NDC80: variants seen among roughly 807,000 people sequenced by gnomAD.
NDC80 encodes the protein NDC80 kinetochore complex component.
NDC80 carries 69 observed loss-of-function variants against 89.3 expected under a neutral mutation model. The observed-to-expected ratio is 0.77, with a 90% CI of 0.64 to 0.94. The LOEUF is 0.94. Among genes scored for constraint, NDC80 ranks in the 40% least tolerant of loss-of-function variants. NDC80 has a pLI of 0.00. For synonymous variants in NDC80, 243 were observed against 255.6 expected (o/e 0.95, Z 0.47); for missense variants, 593 against 739.6 (o/e 0.80, Z 2.30).
In NDC80 at chr18:2,616,624, C is replaced by T. The variant is rs2072785077; in HGVS notation, c.*50C>T. On this transcript the variant is annotated 3_prime_UTR_variant, in exon 17 of 17. Transcript: ENST00000261597. ...ATATCCATAGTGAATAAAATTGTCT[C>T]AGTAAAGTGTATTTTTCTCTCTCAT... 9.5e-7 allele frequency: 1 copy of T among 1,049,322 alleles called. No homozygotes were observed. The highest frequency in any genetic ancestry group is 1.6e-5 in the African/African-American group (1 of 61,112). The allele number at this position is 1,049,322 out of a possible 1,614,324, so 65.0% of individuals were successfully genotyped here. A position where few individuals can be genotyped will look rare whatever the true frequency, so the allele number is the denominator to read the frequency against.
intron 1 of NDC80, among the ~76,000 whole-genome samples, chr18:2,572,642 A>C (rs2072522490): frequency 6.6e-6 from 1 of 152,248 alleles, no homozygotes; most frequent in Non-Finnish European, 1.5e-5. Context: ...TCTGGGTAAC[A>C]GACAGGGCTT....
chr18:2,593,437 C>A (rs1433744643), intron 10 of NDC80, among the ~76,000 whole-genome samples: 1 of 152,212 alleles, frequency 6.6e-6, no homozygotes, highest in East Asian at 1.9e-4. Flanking sequence ...ACAGTCTTCA[C>A]AGTGTACTTT....
At chr18:2,607,731 A>G (rs1182644543) in intron 14 of NDC80, among the ~76,000 whole-genome samples, 1 of 151,676 alleles carries the variant, frequency 6.6e-6, no homozygotes, top group African/African-American at 2.4e-5. Flanking sequence ...AGAAATGTAT[A>G]AAATGGGAAC....
Position 2,607,993 on chromosome 18 carries a change from ATATAT to A in NDC80, c.1558-706_1558-702del, listed in dbSNP as rs1288942277. ...TATATATATATATATATATATATAT[ATATAT>A]AACTTATTTAGCTAGCCCCTTATTA... On this transcript the variant is annotated intron_variant, in intron 14 of 16. Coordinates refer to ENST00000261597, the MANE Select transcript of NDC80 (RefSeq NM_006101.3). 2.0e-3 allele frequency among the ~76,000 whole-genome samples: 262 copies of A among 132,364 alleles called. 2 individuals are homozygous for A. The highest frequency in any genetic ancestry group is 3.3e-3 in the Non-Finnish European group (201 of 61,142). 86.8% of individuals were successfully genotyped at this position (132,364 alleles called of 152,430 possible).
chr18:2,602,969 G>C (rs186445596), intron 13 of NDC80, among the ~76,000 whole-genome samples: 1 of 152,160 alleles, frequency 6.6e-6, no homozygotes, highest in East Asian at 1.9e-4. Context: ...AGCTTGAGGA[G>C]AAAGAAGTAT....
chr18:2,606,439 A>G lies in NDC80; in HGVS notation c.1489A>G (p.Lys497Glu), dbSNP rs2072711999. 6.2e-7 allele frequency: 1 copy of G among 1,604,016 alleles called. No homozygotes were observed. The highest frequency in any genetic ancestry group is 8.5e-7 in the Non-Finnish European group (1 of 1,174,916). The change falls in exon 14 of 17, where the codon AAG becomes GAG. Residue 497 changes from lysine to glutamate, a missense_variant. Lys to Glu is a moderately conservative substitution (Grantham distance 56, BLOSUM62 1). Coordinates refer to ENST00000261597, the MANE Select transcript of NDC80 (RefSeq NM_006101.3). The stretch of plus-strand genomic sequence containing the variant: ...GTTGAATGCAATGATAACAGAAAGC[A>G]AGAGAAGTGTGAGAACTCTGAAAGA... ...EQLNAMITES[K>E]RSVRTLKEEV... is the part of the protein sequence containing the mutation.
chr18:2,608,829 G>T lies in NDC80; in HGVS notation c.1687G>T (p.Glu563Ter). Residue 563 changes from glutamate (E) to a stop codon, truncating the protein, a stop_gained and splice_region_variant, in exon 15 of 17, where the codon GAA (glutamate) becomes TAA (stop). Transcript: ENST00000261597. LOFTEE classifies it high-confidence loss of function. The part of the protein sequence containing the change: ...AMNELDAVQR[E>*]YQLVVQTTTE... ...GAATGAATTAGATGCTGTTCAGCGG[G>T]AGTAAGTTTATCTCACCAAGATTTA... 1 of 1,601,786 alleles carries T rather than the reference G, an allele frequency of 6.2e-7. No homozygotes were observed. Among genetic ancestry groups the T allele is most frequent in the South Asian group, 1.1e-5 (1 of 90,036 alleles).
chr18:2,576,411 A>G (rs1407387514), intron 3 of NDC80, among the ~76,000 whole-genome samples: 1 of 152,274 alleles, frequency 6.6e-6, no homozygotes, highest in Non-Finnish European at 1.5e-5. Context: ...TTAATAGCAG[A>G]CAGCTAGATT....
chr18:2,596,631 A>T (rs1421528960), intron 11 of NDC80, among the ~76,000 whole-genome samples: 2 of 150,310 alleles, frequency 1.3e-5, no homozygotes, highest in Admixed American at 1.3e-4. Flanking sequence ...TTCCTCAGGG[A>T]TCTAGAACTA....
At chr18:2,602,629 C>A (rs141910948) in intron 13 of NDC80, among the ~76,000 whole-genome samples, 1 of 152,060 alleles carries the variant, frequency 6.6e-6, no homozygotes, top group Non-Finnish European at 1.5e-5. Context: ...TCTAAAACAT[C>A]TTTTAGACTG....
At chr18:2,572,045 G>A (rs1206385300) in intron 1 of NDC80, among the ~76,000 whole-genome samples, 2 of 152,176 alleles carry the variant, frequency 1.3e-5, no homozygotes, top group Non-Finnish European at 2.9e-5. Flanking sequence ...GTGTAGGACT[G>A]CGTGTAGAAG....
intron 13 of NDC80, among the ~76,000 whole-genome samples, chr18:2,603,378 T>TATATATATATATATATATATAG (rs1491296244): frequency 7.0e-6 from 1 of 143,496 alleles, no homozygotes; most frequent in Non-Finnish European, 1.5e-5. Flanking sequence ...TATATATATA[T>TATATATATATATATATATATAG]ACACCTATGT....
intron 10 of NDC80, among the ~76,000 whole-genome samples, 197 bp from the exon 11 acceptor site, chr18:2,595,219 A>T (rs987504907): frequency 1.3e-5 from 1 of 79,736 alleles, no homozygotes; most frequent in African/African-American, 4.9e-5. Flanking sequence ...TATATATATG[A>T]CTTTGAAATT....
At chr18:2,585,309 A>ACTGTAAGGT (rs2072598290) in intron 7 of NDC80, 107 bp downstream of exon 7, 1 of 787,296 alleles carries the variant, frequency 1.3e-6, no homozygotes, top group East Asian at 2.7e-5. Flanking sequence ...TAATAAACCG[A>ACTGTAAGGT]CTGTAAGGTG....
intron 2 of NDC80, among the ~76,000 whole-genome samples, chr18:2,574,318 A>G (rs1035265821): frequency 1.3e-5 from 2 of 152,114 alleles, no homozygotes; most frequent in South Asian, 2.1e-4. Context: ...TATAATGACT[A>G]TAGTTAACAA....
intron 14 of NDC80, among the ~76,000 whole-genome samples, chr18:2,606,810 A>G (rs2072714338): frequency 6.6e-6 from 1 of 152,064 alleles, no homozygotes; most frequent in African/African-American, 2.4e-5. Context: ...AATCTCTCCT[A>G]CCTTTTTGTA....
chr18:2,606,375 G>A (rs977925741), intron 13 of NDC80, 40 bp from the exon 14 acceptor site: 4 of 1,329,068 alleles, frequency 3.0e-6, no homozygotes, highest in Admixed American at 4.1e-5. Flanking sequence ...TATCTTTGAT[G>A]TATAGTTATG....
chr18:2,589,052 G>A (rs780212050), intron 8 of NDC80, 152 bp from the exon 9 acceptor site: 24 of 606,140 alleles, frequency 4.0e-5, no homozygotes, highest in Non-Finnish European at 6.6e-5. Flanking sequence ...AATGGAAAGG[G>A]TTTGCTGTTT....
chr18:2,596,636 G>C (rs1002170772), intron 11 of NDC80, among the ~76,000 whole-genome samples: 1 of 150,538 alleles, frequency 6.6e-6, no homozygotes, highest in Non-Finnish European at 1.5e-5. Flanking sequence ...CAGGGATCTA[G>C]AACTAGAAAT....
Sources: allele counts gnomAD v4.1 joint callset (sites outside exome capture counted in the v4.1 genomes callset), GRCh38; gene constraint gnomAD v4.1.1; transcripts MANE v1.5; gene names NCBI Gene and HGNC (gene_info 2026-07-23, HGNC 2026-07-21).